CASP9: variants seen among roughly 807,000 people sequenced by gnomAD.
The protein encoded by CASP9 is caspase-9.
In CASP9, 29 loss-of-function variants were observed where a neutral mutation model predicts 43.5. That is an observed-to-expected ratio of 0.67 (90% CI 0.50 to 0.91). The LOEUF is 0.91. Ranked by LOEUF, CASP9 falls within the 40% of genes least tolerant of loss-of-function variation. The pLI is 0.00. For synonymous variants in CASP9, 206 were observed against 211.9 expected, an observed-to-expected ratio of 0.97 and a Z score of 0.24; for missense variants, 575 against 537.4, an observed-to-expected ratio of 1.07 and a Z score of -0.69.
chr1:15,502,719 G>C (rs936068132), intron 6 of CASP9, among the ~76,000 whole-genome samples: 3 of 152,222 alleles, frequency 2.0e-5, no homozygotes, highest in Non-Finnish European at 4.4e-5. Context: ...GGGCATGGGA[G>C]GAGCACAAGA....
chr1:15,492,866 C>T lies in CASP9; in HGVS notation c.*77G>A. The T allele has an allele frequency of 1.3e-6, 2 of 1,580,948 alleles. No individual in the cohort carries two copies. Among genetic ancestry groups the T allele is most frequent in the Admixed American group, 3.6e-5 (2 of 54,836 alleles). Reference sequence around the variant, plus strand: ...CAAAGTCCTTGAGTTGCAGGAAAGTCCAGGCCTCAGCCTCTTTCAGGCCTG... The same window carrying T: ...CAAAGTCCTTGAGTTGCAGGAAAGTTCAGGCCTCAGCCTCTTTCAGGCCTG... On this transcript the variant is annotated 3_prime_UTR_variant, in exon 9 of 9. Transcript: ENST00000333868.
intron 6 of CASP9, among the ~76,000 whole-genome samples, chr1:15,497,460 T>C (rs1709147651): frequency 6.6e-6 from 1 of 151,800 alleles, no homozygotes; most frequent in South Asian, 2.1e-4. Flanking sequence ...CTAGCCAACA[T>C]GGTGAAACCC....
intron 2 of CASP9, among the ~76,000 whole-genome samples, chr1:15,513,963 C>T (rs920808921): frequency 6.6e-6 from 1 of 152,186 alleles, no homozygotes; most frequent in African/African-American, 2.4e-5. Flanking sequence ...ACAATTAATA[C>T]ATGTGAGGCA....
In CASP9 at chr1:15,495,405, C is replaced by T. The variant is rs976089242; in HGVS notation, c.916G>A (p.Glu306Lys). ...GGCTCGGGGTTACTGCCAGGGGACTCGTCTTCAGGGGAAGTGGAGGCCACC... is the reference window on the plus strand; with the variant it reads ...GGCTCGGGGTTACTGCCAGGGGACTTGTCTTCAGGGGAAGTGGAGGCCACC... ...FEVASTSPEDESPGSNPEPDA... is the reference protein window; with the variant it reads ...FEVASTSPEDKSPGSNPEPDA... Residue 306 changes from glutamate to lysine, a missense_variant, in exon 7 of 9, where the codon GAG becomes AAG. Physicochemically the swap from Glu to Lys is moderately conservative, Grantham distance 56. Coordinates refer to ENST00000333868, the MANE Select transcript of CASP9 (RefSeq NM_001229.5). 7 of 1,606,940 alleles carry T rather than the reference C, an allele frequency of 4.4e-6. No individual in the cohort carries two copies. Among genetic ancestry groups the T allele is most frequent in the East Asian group, 2.2e-5 (1 of 44,722 alleles).
chr1:15,493,480 A>G, intron 8 of CASP9: 1 of 1,288,144 alleles, frequency 7.8e-7, no homozygotes, highest in Non-Finnish European at 9.8e-7. Flanking sequence ...GCCTCCTGAG[A>G]AGGCGATGTA....
chr1:15,502,989 C>CTTATG (rs776486502), intron 6 of CASP9, among the ~76,000 whole-genome samples: 3 of 151,952 alleles, frequency 2.0e-5, no homozygotes, highest in Non-Finnish European at 2.9e-5. Flanking sequence ...GTGGGGGACT[C>CTTATG]TTATGTGACA....
intron 2 of CASP9, among the ~76,000 whole-genome samples, chr1:15,514,135 T>G (rs1709867541): frequency 6.6e-6 from 1 of 152,202 alleles, no homozygotes; most frequent in Non-Finnish European, 1.5e-5. Context: ...TGTGCAGAGC[T>G]ACTCTGTACA....
chr1:15,508,913 C>T (rs1337125624), intron 2 of CASP9, among the ~76,000 whole-genome samples: 3 of 152,232 alleles, frequency 2.0e-5, no homozygotes, highest in Admixed American at 2.0e-4. Context: ...GGCAACATGG[C>T]ACTGGCCAGG....
At chr1:15,522,394 G>A (rs4645996) in intron 1 of CASP9, among the ~76,000 whole-genome samples, 7 of 152,204 alleles carry the variant, frequency 4.6e-5, no homozygotes, top group Admixed American at 4.6e-4. Flanking sequence ...ATTTGACAGA[G>A]GAATCAAGAT....
chr1:15,522,563 T>A (rs1319954087), intron 1 of CASP9, among the ~76,000 whole-genome samples: 2 of 152,202 alleles, frequency 1.3e-5, no homozygotes, highest in East Asian at 1.9e-4. Flanking sequence ...AAATTTTTTT[T>A]AATTAGCCAG....
Position 15,504,601 on chromosome 1 carries a change from A to T in CASP9, c.868+10T>A, listed in dbSNP as rs751017704. 30 of 1,607,604 alleles carry T rather than the reference A, an allele frequency of 1.9e-5. No individual in the cohort carries two copies. In the South Asian group the frequency reaches 3.3e-4, roughly 18 times the overall value. On this transcript the variant is annotated intron_variant, in intron 6 of 8. Transcript: ENST00000333868. ...AGACCCACCCAGAGGGAGGCTGAGG[A>T]GCTGCTTACCCCCACCACAGGCCTG...
At chr1:15,524,628 C>A, upstream of CASP9, 1 of 995,240 alleles carries the variant, frequency 1.0e-6, no homozygotes. Flanking sequence ...GCCCGCAGGA[C>A]GCATCTCCAA....
At chr1:15,493,387 G>A in intron 8 of CASP9, 15 of 1,230,306 alleles carry the variant, frequency 1.2e-5, no homozygotes, top group Non-Finnish European at 1.5e-5. Context: ...GACCCTCAGA[G>A]GAAGCAACTG....
At chr1:15,494,521 T>C (rs1373047438) in intron 7 of CASP9, among the ~76,000 whole-genome samples, 60 of 143,582 alleles carry the variant, frequency 4.2e-4, no homozygotes, top group South Asian at 8.7e-4. Context: ...GCTGAGATCA[T>C]GCTACTGAAC....
At chr1:15,493,158 T>G (rs1708956026) in intron 8 of CASP9, 123 bp from the exon 9 acceptor site, 1 of 1,518,920 alleles carries the variant, frequency 6.6e-7, no homozygotes, top group Non-Finnish European at 8.8e-7. Flanking sequence ...AACTGCAGCC[T>G]CTTTGAGCAG....
At chr1:15,494,070 G>A (rs1709003633) in intron 7 of CASP9, 69 bp from the exon 8 acceptor site, 1 of 1,532,050 alleles carries the variant, frequency 6.5e-7, no homozygotes, top group Non-Finnish European at 8.7e-7. Flanking sequence ...CACCCCTCTG[G>A]CCATGCACGC....
intron 5 of CASP9, among the ~76,000 whole-genome samples, 165 bp downstream of exon 5, chr1:15,505,825 G>T (rs895597052): frequency 6.6e-6 from 1 of 152,212 alleles, no homozygotes; most frequent in African/African-American, 2.4e-5. Context: ...CTCCTCAGAG[G>T]ACCACATGGC....
chr1:15,505,962 G>A (rs777239233), intron 5 of CASP9, 28 bp downstream of exon 5: 6 of 1,573,682 alleles, frequency 3.8e-6, no homozygotes, highest in Middle Eastern at 1.7e-4. Context: ...CCCAATGCCT[G>A]CCCAGGGAAC....
At chr1:15,493,634 G>A (rs369322203) in intron 8 of CASP9, 33 of 1,440,562 alleles carry the variant, frequency 2.3e-5, no homozygotes, top group African/African-American at 1.7e-4. Context: ...CATCAGTGGA[G>A]GAGCGGGAGG....
Sources: gnomAD v4.1 joint callset for allele counts (sites outside exome capture counted in the v4.1 genomes callset) on GRCh38, gnomAD v4.1.1 for gene constraint, MANE v1.5 for transcripts, NCBI Gene and HGNC (gene_info 2026-07-23, HGNC 2026-07-21) for gene names.